The following ATP2C2 variants were observed in gnomAD, a reference collection of about 807,000 sequenced individuals.
ATP2C2 encodes ATPase secretory pathway Ca2+ transporting 2.
In ATP2C2, 171 loss-of-function variants were observed where a neutral mutation model predicts 110.8. That is an observed-to-expected ratio of 1.54 (90% CI 1.36 to 1.75). ATP2C2 has a LOEUF of 1.75. ATP2C2 is among the 40% of genes most tolerant of loss of function. The probability of loss-of-function intolerance (pLI) is 0.00; values close to 1 mark genes in which losing one functional copy is unlikely to be tolerated. For missense variants in ATP2C2, 1,963 were observed against 1,235.0 expected, an observed-to-expected ratio of 1.59 and a Z score of -8.84; for synonymous variants, 804 against 508.4, an observed-to-expected ratio of 1.58 and a Z score of -7.82.
chr16:84,374,445 G>A (rs1467473356), intron 1 of ATP2C2, among the ~76,000 whole-genome samples: 1 of 152,166 alleles, frequency 6.6e-6, no homozygotes. Context: ...GTGTTGATCA[G>A]ACAGTCATTG....
intron 1 of ATP2C2, among the ~76,000 whole-genome samples, chr16:84,377,704 T>C (rs967796179): frequency 1.3e-5 from 2 of 151,932 alleles, no homozygotes; most frequent in East Asian, 3.9e-4. Flanking sequence ...ATATGGGGTG[T>C]GGGGTTTAGG....
At chr16:84,459,728 C>T in intron 23 of ATP2C2, 1 of 714,546 alleles carries the variant, frequency 1.4e-6, no homozygotes, top group Non-Finnish European at 2.3e-6. Flanking sequence ...CACTCAATCC[C>T]CTCACCCTGC....
At chr16:84,442,463 T>G in intron 14 of ATP2C2, 47 bp from the exon 15 acceptor site, 1 of 1,586,406 alleles carries the variant, frequency 6.3e-7, no homozygotes, top group Non-Finnish European at 8.7e-7. Flanking sequence ...TCTAACTTTT[T>G]CATGAGCCCA....
chr16:84,437,602 G>A (rs1278718499), intron 11 of ATP2C2, among the ~76,000 whole-genome samples: 3 of 152,080 alleles, frequency 2.0e-5, no homozygotes, highest in Non-Finnish European at 2.9e-5. Context: ...TGCAACCTCC[G>A]CCTCTCAGGT....
chr16:84,460,494 G>T, intron 23 of ATP2C2, 160 bp from the exon 24 acceptor site: 1 of 944,188 alleles, frequency 1.1e-6, no homozygotes, highest in Non-Finnish European at 1.7e-6. Flanking sequence ...GCTTCTGGAA[G>T]GTGCCGAGGA....
At chr16:84,369,282 G>T (rs1264974434) in intron 1 of ATP2C2, among the ~76,000 whole-genome samples, 4 of 152,168 alleles carry the variant, frequency 2.6e-5, no homozygotes, top group Admixed American at 6.5e-5. Flanking sequence ...AAGCAGCAGG[G>T]TGCCAGGGCA....
chr16:84,386,441 A>T (rs1375073731), intron 1 of ATP2C2, among the ~76,000 whole-genome samples: 3 of 152,168 alleles, frequency 2.0e-5, no homozygotes, highest in Admixed American at 6.5e-5. Flanking sequence ...CTTACTGCAC[A>T]ATTTCCCTGT....
intron 1 of ATP2C2, among the ~76,000 whole-genome samples, chr16:84,379,062 A>G (rs2151398053): frequency 6.6e-6 from 1 of 152,026 alleles, no homozygotes; most frequent in African/African-American, 2.4e-5. Flanking sequence ...TCTACTGCAC[A>G]GATCATCCCA....
chr16:84,375,041 T>C (rs1030480278), intron 1 of ATP2C2, among the ~76,000 whole-genome samples: 2 of 152,202 alleles, frequency 1.3e-5, no homozygotes, highest in African/African-American at 2.4e-5. Context: ...GAAGGACTTG[T>C]CTCATATCAG....
At chr16:84,375,952 C>T (rs1040310410) in intron 1 of ATP2C2, among the ~76,000 whole-genome samples, 1 of 151,542 alleles carries the variant, frequency 6.6e-6, no homozygotes, top group African/African-American at 2.4e-5. Context: ...TTTCTGGGCT[C>T]GGTGGGGGTA....
At chr16:84,414,132 C>A (rs747552195) in intron 6 of ATP2C2, among the ~76,000 whole-genome samples, 3 of 152,178 alleles carry the variant, frequency 2.0e-5, no homozygotes, top group Non-Finnish European at 4.4e-5. Flanking sequence ...GACATTTAAG[C>A]TGAGGCCTGA....
intron 6 of ATP2C2, among the ~76,000 whole-genome samples, chr16:84,413,132 G>A (rs1402118356): frequency 1.3e-5 from 2 of 151,770 alleles, no homozygotes; most frequent in African/African-American, 4.8e-5. Flanking sequence ...CATGGTCTGG[G>A]GTGTCTGGGA....
intron 21 of ATP2C2, among the ~76,000 whole-genome samples, 169 bp from the exon 22 acceptor site, chr16:84,458,951 C>T (rs565766654): frequency 3.9e-5 from 6 of 152,238 alleles, no homozygotes; most frequent in African/African-American, 1.4e-4. Flanking sequence ...GTTAGAACAC[C>T]ACCGTCTCCT....
intron 13 of ATP2C2, among the ~76,000 whole-genome samples, chr16:84,440,581 C>G (rs533839174): frequency 1.3e-5 from 2 of 152,368 alleles, no homozygotes; most frequent in East Asian, 1.9e-4. Flanking sequence ...AAGCACTCTT[C>G]TATGCTAGTT....
chr16:84,421,494 G>C (rs781673206), intron 7 of ATP2C2, among the ~76,000 whole-genome samples: 1 of 152,168 alleles, frequency 6.6e-6, no homozygotes, highest in African/African-American at 2.4e-5. Flanking sequence ...GGTGGTTTGT[G>C]GAAGATGGCT....
At chr16:84,460,967 G>T (rs910731587) in intron 24 of ATP2C2, 166 bp downstream of exon 24, 18 of 1,022,358 alleles carry the variant, frequency 1.8e-5, no homozygotes, top group Non-Finnish European at 2.5e-5. Flanking sequence ...GAGGCAAAGG[G>T]ACTGGGTGAC....
intron 1 of ATP2C2, among the ~76,000 whole-genome samples, chr16:84,382,428 C>T (rs1026555520): frequency 2.0e-5 from 3 of 152,236 alleles, no homozygotes; most frequent in Non-Finnish European, 4.4e-5. Context: ...CTCCCCACCC[C>T]CTTTTAAGAA....
Position 84,461,587 on chromosome 16 carries a change from C to T in ATP2C2, c.2482-127C>T, listed in dbSNP as rs891913637. ...TCACACCTGGAGGAAGCTGTGTGAC[C>T]GATTCATGAGCTTGTAAGTGGCTCC... is the stretch of plus-strand genomic sequence containing the variant. On this transcript the variant is annotated intron_variant, in intron 24 of 26. Coordinates refer to ENST00000262429, the MANE Select transcript of ATP2C2 (RefSeq NM_014861.4). 4.1e-5 allele frequency: 34 copies of T among 821,860 alleles called. 1 individual carries two copies. The highest frequency in any genetic ancestry group is 5.4e-5 in the Admixed American group (3 of 55,690). The allele number at this position is 821,860 out of a possible 1,614,324, so 50.9% of individuals were successfully genotyped here.
chr16:84,373,602 C>A (rs1910086605), intron 1 of ATP2C2, among the ~76,000 whole-genome samples: 1 of 152,146 alleles, frequency 6.6e-6, no homozygotes, highest in Non-Finnish European at 1.5e-5. Context: ...TCGTTTGATG[C>A]AAGTCTAGGT....
Sources: gnomAD v4.1 joint callset for allele counts (sites outside exome capture counted in the v4.1 genomes callset) on GRCh38, gnomAD v4.1.1 for gene constraint, MANE v1.5 for transcripts, NCBI Gene and HGNC (gene_info 2026-07-23, HGNC 2026-07-21) for gene names.